Variants in DPYD observed in about 807,000 individuals in gnomAD.
DPYD encodes the protein dihydropyrimidine dehydrogenase, also known as dihydropyrimidine dehydrogenase [NADP(+)].
Under a neutral mutation model 116.2 loss-of-function variants are expected in DPYD, and 109 were observed. The observed-to-expected ratio is 0.94, with a 90% CI of 0.80 to 1.10. The LOEUF (loss-of-function observed/expected upper bound fraction) is 1.10. DPYD is among the 50% of genes least tolerant of loss of function. The probability of loss-of-function intolerance (pLI) is 0.00; values close to 1 mark genes in which losing one functional copy is unlikely to be tolerated. For synonymous variants in DPYD, 440 were observed against 432.0 expected (o/e 1.02, Z -0.23); for missense variants, 1,302 against 1,254.5 (o/e 1.04, Z -0.57).
intron 20 of DPYD, among the ~76,000 whole-genome samples, chr1:97,144,818 C>T (rs1654492338): frequency 6.6e-6 from 1 of 152,154 alleles, no homozygotes; most frequent in African/African-American, 2.4e-5. Flanking sequence ...AACAATTATT[C>T]TTAGCTGATT....
chr1:97,375,299 C>T (rs562769630), intron 15 of DPYD, among the ~76,000 whole-genome samples: 45 of 152,166 alleles, frequency 3.0e-4, no homozygotes, highest in African/African-American at 1.0e-3. Context: ...TCTTTCCTTC[C>T]TAATTGTTTA....
At chr1:97,887,932 G>C (rs1280578013) in intron 1 of DPYD, among the ~76,000 whole-genome samples, 1 of 152,002 alleles carries the variant, frequency 6.6e-6, no homozygotes. Context: ...ATGTGAAGAA[G>C]GATGTGTTTG....
At chr1:97,560,334 A>T (rs1235038495) in intron 11 of DPYD, among the ~76,000 whole-genome samples, 1 of 152,170 alleles carries the variant, frequency 6.6e-6, no homozygotes, top group Admixed American at 6.5e-5. Flanking sequence ...AATACAAAAG[A>T]AATATAATGT....
intron 20 of DPYD, among the ~76,000 whole-genome samples, chr1:97,148,747 A>G (rs954411154): frequency 2.6e-5 from 4 of 152,192 alleles, no homozygotes; most frequent in African/African-American, 9.6e-5. Flanking sequence ...AACATCTTTG[A>G]ACTCCTGTGA....
chr1:97,589,479 C>G (rs1053361673), intron 10 of DPYD, among the ~76,000 whole-genome samples: 2 of 152,168 alleles, frequency 1.3e-5, no homozygotes, highest in Admixed American at 1.3e-4. Context: ...GAAGAAGGTG[C>G]CTTGCTTTCC....
chr1:97,722,862 T>C (rs978942707), intron 4 of DPYD, among the ~76,000 whole-genome samples: 3 of 151,520 alleles, frequency 2.0e-5, no homozygotes, highest in African/African-American at 7.3e-5. Context: ...AGGATGTCCA[T>C]TGCTCGATCA....
chr1:97,623,406 C>T (rs1288229480), intron 8 of DPYD, among the ~76,000 whole-genome samples: 1 of 152,052 alleles, frequency 6.6e-6, no homozygotes, highest in East Asian at 1.9e-4. Context: ...CTTCAGCAAA[C>T]ATAATTCACT....
chr1:97,169,518 G>T (rs1255986770), intron 20 of DPYD, among the ~76,000 whole-genome samples: 3 of 85,154 alleles, frequency 3.5e-5, no homozygotes, highest in African/African-American at 6.4e-5. Context: ...GATATATTGG[G>T]TTAATTTTTA....
intron 20 of DPYD, among the ~76,000 whole-genome samples, chr1:97,148,653 C>G: frequency 6.6e-6 from 1 of 152,096 alleles, no homozygotes; most frequent in Non-Finnish European, 1.5e-5. Context: ...TGGGAGATAC[C>G]TACTATGGAA....
chr1:97,665,982 T>TA (rs2100881064), intron 8 of DPYD, among the ~76,000 whole-genome samples: 1 of 152,322 alleles, frequency 6.6e-6, no homozygotes, highest in East Asian at 1.9e-4. Flanking sequence ...AAAGAGGTTT[T>TA]ATAGAAGTCC....
chr1:97,558,866 C>T (rs1008634996), intron 11 of DPYD, among the ~76,000 whole-genome samples: 5 of 152,148 alleles, frequency 3.3e-5, no homozygotes, highest in African/African-American at 1.2e-4. Flanking sequence ...ACTCCTTGAA[C>T]ATTGGATTTC....
At chr1:97,709,121 T>C (rs1662145082) in intron 5 of DPYD, among the ~76,000 whole-genome samples, 1 of 151,890 alleles carries the variant, frequency 6.6e-6, no homozygotes, top group Non-Finnish European at 1.5e-5. Flanking sequence ...TTCCTTTCCT[T>C]TTCTTGTCTT....
chr1:97,255,655 T>A (rs1201903220), intron 18 of DPYD, among the ~76,000 whole-genome samples: 1 of 151,922 alleles, frequency 6.6e-6, no homozygotes, highest in South Asian at 2.1e-4. Context: ...TATGTCTTTA[T>A]CAGCAATATG....
intron 3 of DPYD, among the ~76,000 whole-genome samples, chr1:97,772,274 T>G (rs992371917): frequency 6.6e-6 from 1 of 152,196 alleles, no homozygotes; most frequent in African/African-American, 2.4e-5. Context: ...CACAAGGTCA[T>G]GAGGATACAG....
intron 18 of DPYD, among the ~76,000 whole-genome samples, chr1:97,289,345 G>T (rs562888297): frequency 1.3e-5 from 2 of 152,306 alleles, no homozygotes; most frequent in South Asian, 4.1e-4. Flanking sequence ...TATGAGGCCA[G>T]CATCATCCTG....
At chr1:97,258,396 GCCCTTAGGCTGCT>G (rs1015989081) in intron 18 of DPYD, among the ~76,000 whole-genome samples, 10 of 152,166 alleles carry the variant, frequency 6.6e-5, no homozygotes, top group South Asian at 2.1e-4. Flanking sequence ...TTCAGGGACA[GCCCTTAGGCTGCT>G]CCCGCCTTCC....
chr1:97,485,420 T>C (rs1349679753), intron 13 of DPYD, among the ~76,000 whole-genome samples: 1 of 152,222 alleles, frequency 6.6e-6, no homozygotes, highest in Non-Finnish European at 1.5e-5. Context: ...CAGGCTGGTC[T>C]CGAACTCCTG....
chr1:97,565,679 T>C (rs1015162103), intron 11 of DPYD, among the ~76,000 whole-genome samples: 2 of 152,198 alleles, frequency 1.3e-5, no homozygotes, highest in African/African-American at 4.8e-5. Flanking sequence ...ACTGTGTTGC[T>C]ATATATGTAT....
intron 3 of DPYD, among the ~76,000 whole-genome samples, chr1:97,768,944 T>TA (rs1557946710): frequency 4.0e-5 from 6 of 151,360 alleles, no homozygotes; most frequent in Non-Finnish European, 7.4e-5. Flanking sequence ...CACGATATAA[T>TA]CAAAAAATCT....
Sources: allele counts gnomAD v4.1 joint callset (sites outside exome capture counted in the v4.1 genomes callset), GRCh38; gene constraint gnomAD v4.1.1; transcripts MANE v1.5; gene names NCBI Gene and HGNC (gene_info 2026-07-23, HGNC 2026-07-21).